The following BEND6 variants were observed in gnomAD, a reference collection of about 807,000 sequenced individuals.
BEND6 encodes the protein BEN domain containing 6, also known as BEN domain-containing protein 6.
Under a neutral mutation model 31.8 loss-of-function variants are expected in BEND6, and 24 were observed. The ratio of observed to expected loss-of-function variants is 0.75; its 90% confidence interval spans 0.55 to 1.06. The LOEUF (loss-of-function observed/expected upper bound fraction) is 1.06, where lower values mean the gene tolerates loss of function less well. Ranked by LOEUF, BEND6 falls within the 50% of genes least tolerant of loss-of-function variation. BEND6 has a pLI of 0.00. For synonymous variants in BEND6, 109 were observed against 114.6 expected, an observed-to-expected ratio of 0.95 and a Z score of 0.31; for missense variants, 294 against 327.4, an observed-to-expected ratio of 0.90 and a Z score of 0.79.
At position 56,981,712 on chromosome 6, in the gene BEND6, G is replaced by A; in HGVS notation, c.-99G>A. 7.1e-7 allele frequency: 1 copy of A among 1,403,516 alleles called. No individual in the cohort carries two copies. The highest frequency in any genetic ancestry group is 9.7e-7 in the Non-Finnish European group (1 of 1,028,896). 86.9% of individuals were successfully genotyped at this position (1,403,516 alleles called of 1,614,324 possible). ...CATGTTTTTGTTTTTGTTTTTAAGGGAAAGCATTAACTTTTGAGCTACGTC... is the reference window on the plus strand; with the variant it reads ...CATGTTTTTGTTTTTGTTTTTAAGGAAAAGCATTAACTTTTGAGCTACGTC... On this transcript the variant is annotated splice_region_variant and 5_prime_UTR_variant, in exon 2 of 7. Coordinates refer to ENST00000370746, the MANE Select transcript of BEND6 (RefSeq NM_152731.3).
chr6:56,995,663 T>G (rs577860230), intron 3 of BEND6, among the ~76,000 whole-genome samples: 1 of 152,264 alleles, frequency 6.6e-6, no homozygotes, highest in East Asian at 1.9e-4. Flanking sequence ...TCTTGTGTGC[T>G]TCTCTCTCTG....
intron 3 of BEND6, chr6:57,008,088 T>C: frequency 1.5e-6 from 1 of 682,172 alleles, no homozygotes; most frequent in Non-Finnish European, 2.6e-6. Flanking sequence ...GAGACAAAAA[T>C]GCTTGCTAAG....
At chr6:56,961,402 A>T (rs1216691691) in intron 1 of BEND6, among the ~76,000 whole-genome samples, 1 of 152,164 alleles carries the variant, frequency 6.6e-6, no homozygotes, top group Non-Finnish European at 1.5e-5. Context: ...CTTTAAACAT[A>T]TTGGGAGGGA....
chr6:56,989,593 T>C (rs1374803520), intron 2 of BEND6, among the ~76,000 whole-genome samples: 3 of 149,920 alleles, frequency 2.0e-5, no homozygotes, highest in Admixed American at 6.6e-5. Context: ...GGAAATTCCA[T>C]TGATCTACAT....
intron 2 of BEND6, among the ~76,000 whole-genome samples, chr6:56,985,540 G>T (rs1160330723): frequency 1.3e-5 from 2 of 152,152 alleles, no homozygotes; most frequent in East Asian, 3.9e-4. Context: ...AGGCATGCTT[G>T]TTCTTTTAAG....
chr6:56,986,309 G>A lies in BEND6; in HGVS notation c.120+4379G>A, dbSNP rs79965504. 1.6e-3 allele frequency among the ~76,000 whole-genome samples: 240 copies of A among 152,050 alleles called. 3 individuals are homozygous for A. The East Asian group carries it at 0.037, about 23-fold the overall frequency. On this transcript the variant is annotated intron_variant, in intron 2 of 6. Coordinates refer to ENST00000370746, the MANE Select transcript of BEND6 (RefSeq NM_152731.3). Reference sequence around the variant, plus strand: ...AGGTGAGGGCCAGGTATGGTGACTCGCACCTATAAACCCAGCTACTCGGGA... The same window carrying A: ...AGGTGAGGGCCAGGTATGGTGACTCACACCTATAAACCCAGCTACTCGGGA...
chr6:56,979,417 G>A (rs907532437), intron 1 of BEND6, among the ~76,000 whole-genome samples: 1 of 151,974 alleles, frequency 6.6e-6, no homozygotes, highest in African/African-American at 2.4e-5. Context: ...TGGTTAAAAC[G>A]GTGAATTTAT....
chr6:56,992,296 C>T, intron 2 of BEND6, 82 bp from the exon 3 acceptor site: 1 of 1,422,094 alleles, frequency 7.0e-7, no homozygotes, highest in Middle Eastern at 1.9e-4. Flanking sequence ...TTTGTAGTCC[C>T]AACAACATGC....
intron 1 of BEND6, among the ~76,000 whole-genome samples, chr6:56,968,138 C>G (rs751345754): frequency 6.6e-6 from 1 of 152,068 alleles, no homozygotes; most frequent in Non-Finnish European, 1.5e-5. Context: ...CATATGAAAA[C>G]ACATGATATC....
Position 57,000,106 on chromosome 6 carries a change from G to A in BEND6, c.298+7551G>A, listed in dbSNP as rs371486777. ...CAGCTCCAAAGAGACAGCGACCATCGAGAACGGGCCATGATGATGATGGCG... is the reference window on the plus strand; with the variant it reads ...CAGCTCCAAAGAGACAGCGACCATCAAGAACGGGCCATGATGATGATGGCG... On this transcript the variant is annotated intron_variant, in intron 3 of 6. Coordinates refer to ENST00000370746, the MANE Select transcript of BEND6 (RefSeq NM_152731.3). Among the ~76,000 whole-genome samples, 229 of 152,276 alleles carry A rather than the reference G, an allele frequency of 1.5e-3. 1 individual carries two copies. Among genetic ancestry groups the A allele is most frequent in the African/African-American group, 4.9e-3 (205 of 41,550 alleles).
At chr6:56,973,348 T>G (rs1277649946) in intron 1 of BEND6, among the ~76,000 whole-genome samples, 2 of 152,178 alleles carry the variant, frequency 1.3e-5, no homozygotes, top group African/African-American at 4.8e-5. Context: ...GTCTCTCAAG[T>G]ACAAGTAGTG....
At chr6:56,997,866 GTAAA>G (rs1202785031) in intron 3 of BEND6, among the ~76,000 whole-genome samples, 1 of 151,992 alleles carries the variant, frequency 6.6e-6, no homozygotes, top group African/African-American at 2.4e-5. Context: ...TATTCATTTA[GTAAA>G]TATTTATAAA....
chr6:57,013,080 G>A (rs553432827), intron 3 of BEND6, among the ~76,000 whole-genome samples: 5 of 152,246 alleles, frequency 3.3e-5, no homozygotes, highest in East Asian at 3.9e-4. Context: ...TCTTTGTGGC[G>A]TTTAAGAATT....
rs191373319 is a variant in BEND6, at chr6:56,999,870, C to T, written c.298+7315C>T. ...GCCAACAGAAGTGCATAGACCTGGC[C>T]GCCCATTGTCTGGGATGTGAGGAGC... On this transcript the variant is annotated intron_variant, in intron 3 of 6. Transcript: ENST00000370746. Among the ~76,000 whole-genome samples, 76 of 152,312 alleles carry T rather than the reference C, an allele frequency of 5.0e-4. No individual in the cohort carries two copies. The East Asian group carries it at 0.014, about 27-fold the overall frequency.
chr6:56,987,840 G>GAT (rs913992141), intron 2 of BEND6, among the ~76,000 whole-genome samples: 10 of 151,728 alleles, frequency 6.6e-5, no homozygotes, highest in Admixed American at 2.0e-4. Flanking sequence ...TCCAGATTTG[G>GAT]ATATATATAT....
intron 3 of BEND6, among the ~76,000 whole-genome samples, chr6:57,000,986 G>C (rs914926409): frequency 6.8e-6 from 1 of 147,044 alleles, no homozygotes; most frequent in South Asian, 2.2e-4. Context: ...GGGAGAAAAA[G>C]GAAAGAAAAA....
chr6:56,972,346 C>T (rs560457190), intron 1 of BEND6, among the ~76,000 whole-genome samples: 10 of 152,158 alleles, frequency 6.6e-5, no homozygotes, highest in South Asian at 4.2e-4. Flanking sequence ...CTACCCATCT[C>T]GGCCTCCCAA....
chr6:57,005,789 T>C (rs1827137799), intron 3 of BEND6, among the ~76,000 whole-genome samples: 1 of 152,132 alleles, frequency 6.6e-6, no homozygotes, highest in African/African-American at 2.4e-5. Context: ...AATGGTCCTT[T>C]TGTTTTTGCT....
intron 3 of BEND6, among the ~76,000 whole-genome samples, chr6:57,013,577 C>CTAT (rs1473543439): frequency 2.0e-5 from 3 of 152,084 alleles, no homozygotes; most frequent in Non-Finnish European, 4.4e-5. Context: ...CACCCTAAGG[C>CTAT]TATTGCATGA....
Sources: gnomAD v4.1 joint callset for allele counts (sites outside exome capture counted in the v4.1 genomes callset) on GRCh38, gnomAD v4.1.1 for gene constraint, MANE v1.5 for transcripts, NCBI Gene and HGNC (gene_info 2026-07-23, HGNC 2026-07-21) for gene names.